Variants in THSD4 observed in about 807,000 individuals in gnomAD.
THSD4 encodes thrombospondin type-1 domain-containing protein 4.
In THSD4, 69 loss-of-function variants were observed where a neutral mutation model predicts 119.0. The observed-to-expected ratio is 0.58, with a 90% CI of 0.48 to 0.71. The LOEUF is 0.71. Among genes scored for constraint, THSD4 ranks in the 30% least tolerant of loss-of-function variants. The pLI, the probability that THSD4 is intolerant of heterozygous loss-of-function variation, is 0.00. For missense variants in THSD4, 1,393 were observed against 1,391.1 expected (o/e 1.00, Z -0.02); for synonymous variants, 524 against 540.4 (o/e 0.97, Z 0.42).
chr15:71,321,101 CAT>C (rs1019693907), intron 6 of THSD4, among the ~76,000 whole-genome samples: 3 of 152,210 alleles, frequency 2.0e-5, no homozygotes, highest in South Asian at 2.1e-4. Flanking sequence ...ACCCAAAACA[CAT>C]GATTCCCCGT....
intron 7 of THSD4, chr15:71,547,166 G>T (rs1371430610): frequency 2.3e-6 from 3 of 1,302,182 alleles, no homozygotes; most frequent in Non-Finnish European, 2.9e-6. Context: ...CCAGCTCCCA[G>T]CTGGCTCCTG....
At chr15:71,524,895 A>G (rs1426998909) in intron 7 of THSD4, among the ~76,000 whole-genome samples, 2 of 150,530 alleles carry the variant, frequency 1.3e-5, no homozygotes, top group Admixed American at 6.7e-5. Flanking sequence ...TACAAGCGTG[A>G]GCCACCATGC....
chr15:71,532,774 A>G (rs2048634388), intron 7 of THSD4, among the ~76,000 whole-genome samples: 1 of 152,236 alleles, frequency 6.6e-6, no homozygotes, highest in Non-Finnish European at 1.5e-5. Context: ...AGTAATAATC[A>G]TCTCTGTTCT....
At chr15:71,313,003 A>C (rs562177609) in intron 6 of THSD4, among the ~76,000 whole-genome samples, 1 of 152,240 alleles carries the variant, frequency 6.6e-6, no homozygotes, top group East Asian at 1.9e-4. Context: ...CCACGTCTTC[A>C]CTCGCTAGAA....
chr15:71,634,479 G>A (rs922032183), intron 7 of THSD4, among the ~76,000 whole-genome samples: 1 of 152,204 alleles, frequency 6.6e-6, no homozygotes, highest in African/African-American at 2.4e-5. Flanking sequence ...ATTTAGGTAA[G>A]CACAAGCACA....
intron 7 of THSD4, among the ~76,000 whole-genome samples, chr15:71,437,690 G>A (rs1395592437): frequency 6.6e-6 from 1 of 152,112 alleles, no homozygotes; most frequent in Non-Finnish European, 1.5e-5. Context: ...CTGGTACATG[G>A]GTCCCTTTAC....
At chr15:71,390,011 G>A (rs1346020573) in intron 6 of THSD4, among the ~76,000 whole-genome samples, 1 of 151,774 alleles carries the variant, frequency 6.6e-6, no homozygotes, top group Non-Finnish European at 1.5e-5. Context: ...CACCATATTG[G>A]CCAGGCTGGT....
At chr15:71,704,344 G>T (rs1020833549) in intron 8 of THSD4, among the ~76,000 whole-genome samples, 17 of 152,192 alleles carry the variant, frequency 1.1e-4, no homozygotes, top group African/African-American at 3.9e-4. Flanking sequence ...GTCGTGGGAG[G>T]GTCCGGGTGG....
At chr15:71,099,164 C>T (rs915757465) in intron 1 of THSD4, among the ~76,000 whole-genome samples, 4 of 152,222 alleles carry the variant, frequency 2.6e-5, no homozygotes. Flanking sequence ...GGCCACAGAC[C>T]TTGCCTCCTG....
intron 6 of THSD4, among the ~76,000 whole-genome samples, chr15:71,410,074 G>T (rs2046664843): frequency 6.6e-6 from 1 of 152,070 alleles, no homozygotes; most frequent in Non-Finnish European, 1.5e-5. Context: ...TGCCAGGCTT[G>T]GTGTGAAGTG....
intron 1 of THSD4, among the ~76,000 whole-genome samples, chr15:71,122,771 T>G (rs1246031362): frequency 6.6e-6 from 1 of 152,202 alleles, no homozygotes; most frequent in Non-Finnish European, 1.5e-5. Context: ...GGATCTAGGT[T>G]GTTTCTAGTT....
chr15:71,377,914 A>ACACCC (rs57687864), intron 6 of THSD4, among the ~76,000 whole-genome samples: 1 of 146,148 alleles, frequency 6.8e-6, no homozygotes, highest in African/African-American at 2.5e-5. Flanking sequence ...ACACACACAC[A>ACACCC]ATTTCCTTCA....
intron 6 of THSD4, among the ~76,000 whole-genome samples, chr15:71,286,913 G>A (rs910822131): frequency 1.3e-5 from 2 of 152,154 alleles, no homozygotes; most frequent in Non-Finnish European, 2.9e-5. Flanking sequence ...GTGATGCTGA[G>A]CTTTTAAAAA....
chr15:71,588,227 A>G (rs963513700), intron 7 of THSD4, among the ~76,000 whole-genome samples: 503 of 149,672 alleles, frequency 3.4e-3, no homozygotes, highest in African/African-American at 0.012. Flanking sequence ...AATGGCGTGA[A>G]CCCGGGAGGC....
At chr15:71,719,232 T>C (rs1443737207) in intron 8 of THSD4, among the ~76,000 whole-genome samples, 1 of 152,198 alleles carries the variant, frequency 6.6e-6, no homozygotes, top group Non-Finnish European at 1.5e-5. Context: ...CAACCTGTGA[T>C]TAGAGTGCCA....
At chr15:71,608,856 T>C (rs4606666) in intron 7 of THSD4, among the ~76,000 whole-genome samples, 144,531 of 152,272 alleles carry the variant, frequency 0.95, 69,086 homozygotes, top group East Asian at 1. Context: ...CCCCAATATG[T>C]AGATAAGGAA....
chr15:71,457,851 C>T (rs973903657), intron 7 of THSD4, among the ~76,000 whole-genome samples: 3 of 152,168 alleles, frequency 2.0e-5, no homozygotes, highest in East Asian at 3.9e-4. Context: ...GGCCTGTCTT[C>T]CTCTCCAGAA....
chr15:71,337,723 TGAG>T (rs35508471), intron 6 of THSD4, among the ~76,000 whole-genome samples: 52,008 of 151,732 alleles, frequency 0.34, 9,108 homozygotes, highest in South Asian at 0.45. Context: ...CCTGAACACT[TGAG>T]GAGGGCCTTT....
At chr15:71,114,832 G>A (rs1245465313), upstream of THSD4, 1 of 152,204 alleles carries the variant, frequency 6.6e-6, no homozygotes, top group Non-Finnish European at 1.5e-5. Context: ...CAGGGTGTGT[G>A]TGTCTCCTCC....
Sources: gnomAD v4.1 joint callset for allele counts (sites outside exome capture counted in the v4.1 genomes callset) on GRCh38, gnomAD v4.1.1 for gene constraint, MANE v1.5 for transcripts, NCBI Gene and HGNC (gene_info 2026-07-23, HGNC 2026-07-21) for gene names.